The following ZNF454 variants were observed in gnomAD, a reference collection of about 807,000 sequenced individuals.
The protein encoded by ZNF454 is zinc finger protein 454.
Under a neutral mutation model 48.2 loss-of-function variants are expected in ZNF454, and 30 were observed. The observed-to-expected ratio is 0.62, with a 90% CI of 0.47 to 0.84. The LOEUF (loss-of-function observed/expected upper bound fraction) is 0.84. Among genes scored for constraint, ZNF454 ranks in the 40% least tolerant of loss-of-function variants. The pLI is 0.00. For synonymous variants in ZNF454, 204 were observed against 211.4 expected, an observed-to-expected ratio of 0.97 and a Z score of 0.30; for missense variants, 510 against 623.1, an observed-to-expected ratio of 0.82 and a Z score of 1.93.
the ZNF454 span, among the ~76,000 whole-genome samples, chr5:178,971,880 C>T: frequency 6.6e-6 from 1 of 151,180 alleles, no homozygotes; most frequent in African/African-American, 2.4e-5. Flanking sequence ...AACTGGCCAG[C>T]CCCAGGAAGG....
Position 178,941,224 on chromosome 5 carries a change from T to G in ZNF454, c.-328T>G, listed in dbSNP as rs1047046348. 69 of 380,068 alleles carry G rather than the reference T, an allele frequency of 1.8e-4. No homozygotes were observed. The highest frequency in any genetic ancestry group is 1.0e-4 in the Non-Finnish European group (19 of 189,998). The allele number at this position is 380,068 out of a possible 1,614,324, so 23.5% of individuals were successfully genotyped here. A position where few individuals can be genotyped will look rare whatever the true frequency, so the allele number is the denominator to read the frequency against. On this transcript the variant is annotated 5_prime_UTR_variant, in exon 1 of 5. Transcript: ENST00000519564. This position sits in a 1 kb window ranked among gnomAD's most constrained non-coding sequence, Gnocchi z 5.5. ...GCTCCCGGCTGCAGACTCCAGCTCATTGTGTTCTGACTGCGATGTGGCGCT... is the reference window on the plus strand; with the variant it reads ...GCTCCCGGCTGCAGACTCCAGCTCAGTGTGTTCTGACTGCGATGTGGCGCT...
At chr5:178,984,771 G>A in the ZNF454 span, among the ~76,000 whole-genome samples, 1 of 152,262 alleles carries the variant, frequency 6.6e-6, no homozygotes, top group African/African-American at 2.4e-5. Flanking sequence ...CCCGAGGCAC[G>A]TGGCGTGTGT....
At chr5:178,984,179 GA>G in the ZNF454 span, among the ~76,000 whole-genome samples, 43 of 147,702 alleles carry the variant, frequency 2.9e-4, no homozygotes, top group Middle Eastern at 0.011. Context: ...GCTCCAGGTG[GA>G]AAAAAAAAAA....
chr5:178,959,746 CAGG>C, intron 4 of ZNF454, among the ~76,000 whole-genome samples: 1 of 151,926 alleles, frequency 6.6e-6, no homozygotes, highest in South Asian at 2.1e-4. Context: ...GCTGGGACTA[CAGG>C]CGCCCACCAC....
chr5:178,981,524 C>T, the ZNF454 span: 27 of 679,342 alleles, frequency 4.0e-5, no homozygotes, highest in Middle Eastern at 1.2e-3. The surrounding 1 kb of genome is among the most constrained non-coding windows in gnomAD (Gnocchi z 5.1). Context: ...CCAGCCCCAC[C>T]GACGCGGAGC....
chr5:178,981,055 G>A, the ZNF454 span: 619 of 154,936 alleles, frequency 4.0e-3, 6 homozygotes, highest in African/African-American at 0.014. This position sits in a 1 kb window ranked among gnomAD's most constrained non-coding sequence, Gnocchi z 5.1. Flanking sequence ...TCATGGGGGC[G>A]CACCCCAGTT....
At position 178,963,544 on chromosome 5, in the gene ZNF454, G is replaced by A. The variant is rs150532764; in HGVS notation, c.251-1111G>A. ...GTAATAAGGATGGCTTGTTCTTGAT[G>A]GGATTTCTCGTGAATTCTGCATCGT... On this transcript the variant is annotated intron_variant, in intron 4 of 4. Transcript: ENST00000519564. Among the ~76,000 whole-genome samples, 151 of 151,802 alleles carry A rather than the reference G, an allele frequency of 9.9e-4. 1 individual carries two copies. The highest frequency in any genetic ancestry group is 3.2e-3 in the African/African-American group (131 of 41,558).
chr5:178,981,404 C>A, the ZNF454 span: 1 of 530,724 alleles, frequency 1.9e-6, no homozygotes, highest in East Asian at 3.2e-5. The surrounding 1 kb of genome is among the most constrained non-coding windows in gnomAD (Gnocchi z 5.1). Flanking sequence ...GAGCTAGAAC[C>A]TTCTCGGTGG....
chr5:178,952,709 T>C (rs566259425), intron 4 of ZNF454, among the ~76,000 whole-genome samples: 1 of 152,034 alleles, frequency 6.6e-6, no homozygotes, highest in Non-Finnish European at 1.5e-5. Flanking sequence ...TCTCAGTATG[T>C]ATTTGTTGAA....
At chr5:178,942,535 G>C in intron 1 of ZNF454, 150 bp from the exon 2 acceptor site, 1 of 484,882 alleles carries the variant, frequency 2.1e-6, no homozygotes, top group Non-Finnish European at 3.7e-6. Flanking sequence ...TCAATGTATA[G>C]TACCCTCAGA....
the ZNF454 span, among the ~76,000 whole-genome samples, chr5:178,984,893 T>A: frequency 2.6e-5 from 4 of 152,162 alleles, no homozygotes; most frequent in Non-Finnish European, 4.4e-5. Context: ...AGAACCCAGC[T>A]GGCCCTGCAG....
rs368089922 is a variant in ZNF454, at chr5:178,946,854, G to T, written c.161-43G>T. 7.1e-6 allele frequency: 11 copies of T among 1,548,538 alleles called. No homozygotes were observed. The highest frequency in any genetic ancestry group is 7.1e-6 in the Non-Finnish European group (8 of 1,123,692). ...GTCTTTGCAGTGATTTTTATCTCTC[G>T]TATAAACAGATGTGGTTCATTTTTG... On this transcript the variant is annotated intron_variant, in intron 3 of 4. Transcript: ENST00000519564. The surrounding 1 kb of genome is among the most constrained non-coding windows in gnomAD (Gnocchi z 4.5).
the ZNF454 span, chr5:178,985,434 C>CG: frequency 2.0e-5 from 7 of 353,626 alleles, no homozygotes; most frequent in Admixed American, 7.9e-5. Context: ...CTGGGCGCAG[C>CG]GGCTCCCGCC....
chr5:178,970,761 G>A (rs993191739), downstream of ZNF454, among the ~76,000 whole-genome samples: 2 of 152,156 alleles, frequency 1.3e-5, no homozygotes, highest in African/African-American at 2.4e-5. Flanking sequence ...ATTCATCAGT[G>A]TGTCTTTCTG....
the ZNF454 span, chr5:178,983,293 C>G: frequency 2.2e-6 from 3 of 1,355,358 alleles, no homozygotes; most frequent in Non-Finnish European, 3.1e-6. Context: ...GACAGAGGCC[C>G]CTGCGGGTCA....
At chr5:178,969,666 C>T (rs1262170634), downstream of ZNF454, 2 of 456,660 alleles carry the variant, frequency 4.4e-6, no homozygotes. Context: ...GCCAGTCTCC[C>T]CGCCCCTCAC....
the ZNF454 span, chr5:178,981,378 G>A: frequency 1.1e-5 from 5 of 462,242 alleles, no homozygotes; most frequent in African/African-American, 9.8e-5. This position sits in a 1 kb window ranked among gnomAD's most constrained non-coding sequence, Gnocchi z 5.1. Context: ...GAGAGAATAA[G>A]TTTAGTCCCT....
chr5:178,942,969 A>C (rs765726529), intron 2 of ZNF454, 145 bp downstream of exon 2: 32 of 782,390 alleles, frequency 4.1e-5, no homozygotes, highest in Non-Finnish European at 5.7e-5. Flanking sequence ...ACACCCTCCA[A>C]CCCCGCCCCA....
At chr5:178,987,030 G>A in the ZNF454 span, 1 of 1,597,900 alleles carries the variant, frequency 6.3e-7, no homozygotes. Flanking sequence ...GCCCAGCAGA[G>A]CTGGCCTCCT....
Sources: gnomAD v4.1 joint callset for allele counts (sites outside exome capture counted in the v4.1 genomes callset) on GRCh38, gnomAD v4.1.1 for gene constraint, Gnocchi (gnomAD v3.1) non-coding constraint, MANE v1.5 for transcripts, NCBI Gene and HGNC (gene_info 2026-07-23, HGNC 2026-07-21) for gene names.